Variants in KLF12 observed in about 807,000 individuals in gnomAD.
KLF12 encodes the protein KLF transcription factor 12.
In KLF12, 9 loss-of-function variants were observed where a neutral mutation model predicts 37.8. The observed-to-expected ratio is 0.24, with a 90% CI of 0.14 to 0.42. The LOEUF is 0.42. KLF12 is among the 10% of genes least tolerant of loss of function. The pLI, the probability that KLF12 is intolerant of heterozygous loss-of-function variation, is 1.00. For synonymous variants in KLF12, 208 were observed against 202.1 expected, an observed-to-expected ratio of 1.03 and a Z score of -0.25; for missense variants, 411 against 516.0, an observed-to-expected ratio of 0.80 and a Z score of 1.97.
At chr13:73,890,057 A>G (rs988790110) in intron 3 of KLF12, among the ~76,000 whole-genome samples, 1 of 152,126 alleles carries the variant, frequency 6.6e-6, no homozygotes, top group African/African-American at 2.4e-5. Context: ...CATATGTGAA[A>G]ATAGAGAACA....
In KLF12 at chr13:73,765,016, A is replaced by T; in HGVS notation, c.807-16T>A. ...CGGATGTACCCTGTAGACAGAGAAG[A>T]ATAATCCAGTCATTGAAAAAGCATA... On this transcript the variant is annotated splice_polypyrimidine_tract_variant and intron_variant, in intron 5 of 7. Coordinates refer to ENST00000377669, the MANE Select transcript of KLF12 (RefSeq NM_007249.5). The T allele has an allele frequency of 6.9e-7, 1 of 1,458,232 alleles. No individual in the cohort carries two copies. Among genetic ancestry groups the T allele is most frequent in the South Asian group, 1.2e-5 (1 of 82,076 alleles). The allele number at this position is 1,458,232 out of a possible 1,614,324, so 90.3% of individuals were successfully genotyped here. A position where few individuals can be genotyped will look rare whatever the true frequency, so the allele number is the denominator to read the frequency against.
intron 3 of KLF12, among the ~76,000 whole-genome samples, chr13:73,848,031 T>C (rs1026354981): frequency 2.0e-5 from 3 of 152,220 alleles, no homozygotes; most frequent in African/African-American, 4.8e-5. Flanking sequence ...TAGTTTGTCA[T>C]TAAAAGATAA....
At chr13:73,819,387 C>T (rs1004741242) in intron 4 of KLF12, among the ~76,000 whole-genome samples, 1 of 152,214 alleles carries the variant, frequency 6.6e-6, no homozygotes, top group Non-Finnish European at 1.5e-5. Flanking sequence ...CCTTCTAAAT[C>T]TCTCACCATC....
chr13:73,780,543 G>A (rs1453517686), intron 5 of KLF12, among the ~76,000 whole-genome samples: 1 of 151,438 alleles, frequency 6.6e-6, no homozygotes, highest in Admixed American at 6.6e-5. Flanking sequence ...GCAATGGTGC[G>A]ATCTTGGCTC....
rs1029652477 is a variant in KLF12, at chr13:73,813,341, C to G, written c.671-54G>C. 64 of 1,597,128 alleles carry G rather than the reference C, an allele frequency of 4.0e-5. No individual in the cohort carries two copies. In the Middle Eastern group the frequency reaches 6.7e-4, roughly 17 times the overall value. ...TAAAATCAGTGCGCAGAAAGTTAAC[C>G]TTGTCCTGGACCAACATCAAGTATG... On this transcript the variant is annotated intron_variant, in intron 4 of 7. Coordinates refer to ENST00000377669, the MANE Select transcript of KLF12 (RefSeq NM_007249.5).
At chr13:74,246,180 A>G in the KLF12 span, among the ~76,000 whole-genome samples, 3 of 152,204 alleles carry the variant, frequency 2.0e-5, no homozygotes, top group Non-Finnish European at 2.9e-5. Context: ...GGCTTCTGTT[A>G]AAAGTGGATA....
the KLF12 span, among the ~76,000 whole-genome samples, chr13:74,283,640 A>C: frequency 1.3e-5 from 2 of 152,166 alleles, no homozygotes; most frequent in Admixed American, 6.6e-5. Context: ...AGAATTTTTC[A>C]TTCCTTATTC....
intron 1 of KLF12, among the ~76,000 whole-genome samples, chr13:73,996,750 C>T (rs535966101): frequency 1.1e-3 from 160 of 152,168 alleles, no homozygotes; most frequent in Non-Finnish European, 1.7e-3. Flanking sequence ...TCTGGACAGA[C>T]ACAAAGAGCC....
intron 3 of KLF12, among the ~76,000 whole-genome samples, chr13:73,863,580 A>G (rs1201093102): frequency 6.6e-6 from 1 of 152,158 alleles, no homozygotes; most frequent in Non-Finnish European, 1.5e-5. Context: ...ATTTTACTGT[A>G]GTGCTAAAAC....
the KLF12 span, among the ~76,000 whole-genome samples, chr13:74,230,306 C>T: frequency 6.6e-6 from 1 of 152,178 alleles, no homozygotes; most frequent in Admixed American, 6.5e-5. Flanking sequence ...GAGGCCTCCC[C>T]AGCCCTGCAG....
At chr13:74,049,531 A>C (rs1443862209) in intron 1 of KLF12, among the ~76,000 whole-genome samples, 2 of 152,218 alleles carry the variant, frequency 1.3e-5, no homozygotes, top group African/African-American at 4.8e-5. Context: ...GACGTCATTA[A>C]AAAAGTGTTA....
chr13:73,725,265 T>G (rs1171279963), intron 6 of KLF12, among the ~76,000 whole-genome samples: 2 of 152,128 alleles, frequency 1.3e-5, no homozygotes, highest in African/African-American at 2.4e-5. Flanking sequence ...CACACCCAGC[T>G]AATTTTTGTA....
intron 3 of KLF12, among the ~76,000 whole-genome samples, chr13:73,859,196 T>C (rs1192290873): frequency 6.6e-6 from 1 of 152,120 alleles, no homozygotes; most frequent in Admixed American, 6.6e-5. Context: ...GCTTTCCAGG[T>C]TCACAAAAGT....
At chr13:74,267,143 T>A in the KLF12 span, among the ~76,000 whole-genome samples, 2 of 152,210 alleles carry the variant, frequency 1.3e-5, no homozygotes, top group Non-Finnish European at 2.9e-5. Context: ...TGTGTTGGAT[T>A]GAATGATGGT....
At chr13:73,873,799 T>C (rs891445577) in intron 3 of KLF12, among the ~76,000 whole-genome samples, 4 of 152,152 alleles carry the variant, frequency 2.6e-5, no homozygotes, top group Non-Finnish European at 5.9e-5. Context: ...ATATCTGTAA[T>C]ATGTATTAAT....
At chr13:73,814,990 G>C (rs1245356812) in intron 4 of KLF12, among the ~76,000 whole-genome samples, 1 of 151,516 alleles carries the variant, frequency 6.6e-6, no homozygotes, top group African/African-American at 2.4e-5. Context: ...TTTCAACATG[G>C]CTAACAAGGA....
At position 73,983,890 on chromosome 13, in the gene KLF12, C is replaced by T. The variant is rs1052710711; in HGVS notation, c.33+11100G>A. On this transcript the variant is annotated intron_variant, in intron 2 of 7. Transcript: ENST00000377669. ...AAATAATCTTGCAGGTTCTCAGAGT[C>T]GTGCAGAATTCATAAGCAGTGAATC... Among the ~76,000 whole-genome samples the T allele has an allele frequency of 8.5e-5, 13 of 152,210 alleles. No homozygotes were observed. The East Asian group carries it at 9.6e-4, about 11-fold the overall frequency.
At chr13:74,243,125 G>C in the KLF12 span, among the ~76,000 whole-genome samples, 1 of 152,036 alleles carries the variant, frequency 6.6e-6, no homozygotes, top group Non-Finnish European at 1.5e-5. Context: ...CCCCTGACAG[G>C]CCCCGGTGTG....
At chr13:73,935,181 G>A (rs887887104) in intron 3 of KLF12, among the ~76,000 whole-genome samples, 10 of 151,768 alleles carry the variant, frequency 6.6e-5, no homozygotes, top group Non-Finnish European at 1.0e-4. Flanking sequence ...TAGAGACAGG[G>A]TTTTGCCATG....
Sources: allele counts gnomAD v4.1 joint callset (sites outside exome capture counted in the v4.1 genomes callset), GRCh38; gene constraint gnomAD v4.1.1; transcripts MANE v1.5; gene names NCBI Gene and HGNC (gene_info 2026-07-23, HGNC 2026-07-21).